Variants in RHOXF1 observed in about 807,000 individuals in gnomAD.
RHOXF1 encodes PEPP subfamily gene 1.
RHOXF1 carries 1 observed loss-of-function variant against 9.7 expected under a neutral mutation model. The ratio of observed to expected loss-of-function variants is 0.10; its 90% confidence interval spans 0.04 to 0.49. The LOEUF (loss-of-function observed/expected upper bound fraction) is 0.49, where lower values mean the gene tolerates loss of function less well. Ranked by LOEUF, RHOXF1 falls within the 20% of genes least tolerant of loss-of-function variation. The probability of loss-of-function intolerance (pLI) is 0.95; values close to 1 mark genes in which losing one functional copy is unlikely to be tolerated. For missense variants in RHOXF1, 179 were observed against 168.0 expected, an observed-to-expected ratio of 1.07 and a Z score of -0.36; for synonymous variants, 72 against 70.2, an observed-to-expected ratio of 1.03 and a Z score of -0.13.
upstream of RHOXF1, among the ~76,000 whole-genome samples, chrX:120,119,865 C>T (rs896212942): frequency 1.4e-4 from 16 of 111,484 alleles, no homozygotes; most frequent in African/African-American, 5.2e-4. Flanking sequence ...ATTTCTTAGC[C>T]ATCTTGCAGA....
intron 1 of RHOXF1, among the ~76,000 whole-genome samples, chrX:120,114,131 C>A (rs1556000228): frequency 9.1e-6 from 1 of 109,956 alleles, no homozygotes; most frequent in African/African-American, 3.3e-5. Context: ...AAACAAAAAA[C>A]CAACCAAACA....
chrX:120,113,331 G>A (rs1028972766), intron 1 of RHOXF1, among the ~76,000 whole-genome samples: 1 of 110,719 alleles, frequency 9.0e-6, no homozygotes, highest in Non-Finnish European at 1.9e-5. Flanking sequence ...TAGTAGAGAT[G>A]GGGTTTTGCC....
Position 120,115,854 on chromosome X carries a change from A to G in RHOXF1, c.9T>C (p.Arg3=). 8.5e-7 allele frequency: 1 copy of G among 1,177,514 alleles called. No individual in the cohort carries two copies. Among genetic ancestry groups the G allele is most frequent in the Non-Finnish European group, 1.1e-6 (1 of 883,796 alleles). Residue 3 remains arginine, a synonymous_variant, in exon 1 of 3, where the codon CGT becomes CGC. Coordinates refer to ENST00000217999, the MANE Select transcript of RHOXF1 (RefSeq NM_139282.3). MA[R]SLVHDTVFYC... ...AGAACACGGTGTCGTGGACGAGCGA[A>G]CGCGCCATGGCTGGAGCGCTGCGCC...
At chrX:120,111,289 C>T (rs1406690315) in intron 2 of RHOXF1, among the ~76,000 whole-genome samples, 1 of 111,343 alleles carries the variant, frequency 9.0e-6, no homozygotes, top group African/African-American at 3.3e-5. Flanking sequence ...TTCAACTTCT[C>T]CAACCCGAAC....
chrX:120,115,730 T>A lies in RHOXF1; in HGVS notation c.133A>T (p.Met45Leu), dbSNP rs2057291640. The change falls in exon 1 of 3, where the codon ATG becomes TTG. Residue 45 changes from methionine to leucine, a missense_variant. Transcript: ENST00000217999. ...GHVGQGAPGL[M>L]GNMNPEGGVN... ...CCGCCCTCAGGGTTCATATTACCCATGAGGCCTGGAGCTCCTTGGCCAACA... is the reference window on the plus strand; with the variant it reads ...CCGCCCTCAGGGTTCATATTACCCAAGAGGCCTGGAGCTCCTTGGCCAACA... 1.7e-6 allele frequency: 2 copies of A among 1,207,507 alleles called. No homozygotes were observed. Among genetic ancestry groups the A allele is most frequent in the African/African-American group, 3.5e-5 (2 of 56,883 alleles).
chrX:120,114,881 G>A (rs952336669), intron 1 of RHOXF1, among the ~76,000 whole-genome samples: 2 of 112,234 alleles, frequency 1.8e-5, no homozygotes, highest in African/African-American at 6.5e-5. Context: ...ATATTATTTA[G>A]CCTTAAAAAG....
intron 1 of RHOXF1, 70 bp downstream of exon 1, chrX:120,115,395 G>A: frequency 1.0e-6 from 1 of 970,237 alleles, no homozygotes. Context: ...GATTGGGTGG[G>A]GCAAGGGAGA....
intron 2 of RHOXF1, among the ~76,000 whole-genome samples, chrX:120,112,135 G>A (rs1025030893): frequency 2.7e-5 from 3 of 110,821 alleles, no homozygotes; most frequent in African/African-American, 9.9e-5. Flanking sequence ...ATTTAGTCAT[G>A]TAATGTGTTC....
chrX:120,112,486 A>ATATATTATACATATATGTAT, intron 2 of RHOXF1, among the ~76,000 whole-genome samples: 1 of 31,432 alleles, frequency 3.2e-5, no homozygotes, highest in Non-Finnish European at 8.3e-5. Flanking sequence ...TATATGTGTT[A>ATATATTATACATATATGTAT]TATATAATAC....
chrX:120,110,183 C>A (rs181659988), intron 2 of RHOXF1, among the ~76,000 whole-genome samples: 1 of 111,543 alleles, frequency 9.0e-6, no homozygotes, highest in Non-Finnish European at 1.9e-5. Context: ...TAGGAAAGAG[C>A]GCACTGGAAT....
upstream of RHOXF1, among the ~76,000 whole-genome samples, chrX:120,116,150 T>A (rs868921344): frequency 6.8e-5 from 1 of 14,717 alleles, no homozygotes. Context: ...GGGTGCACAG[T>A]GAGGGTGGGG....
chrX:120,114,851 A>C (rs1433074958), intron 1 of RHOXF1, among the ~76,000 whole-genome samples: 1 of 112,317 alleles, frequency 8.9e-6, no homozygotes, highest in Non-Finnish European at 1.9e-5. Context: ...GTTGGTGTGC[A>C]CCTGTATCTA....
chrX:120,112,428 TACAC>T (rs1358068630), intron 2 of RHOXF1, among the ~76,000 whole-genome samples: 2 of 32,160 alleles, frequency 6.2e-5, no homozygotes, highest in East Asian at 1.9e-3. Flanking sequence ...TTATATATAA[TACAC>T]ATATATTATA....
Position 120,109,111 on chromosome X carries a change from C to G in RHOXF1, c.*81G>C. 1 of 537,302 alleles carries G rather than the reference C, an allele frequency of 1.9e-6. No individual in the cohort carries two copies. The allele number at this position is 537,302 out of a possible 1,213,427, so 44.3% of individuals were successfully genotyped here. ...GCAGAGGAGATAAGGGTAGCCTGAG[C>G]GGCATGGGCAGCCCAGGTGTCAGTG... is the stretch of plus-strand genomic sequence containing the variant. On this transcript the variant is annotated 3_prime_UTR_variant, in exon 3 of 3. Coordinates refer to ENST00000217999, the MANE Select transcript of RHOXF1 (RefSeq NM_139282.3).
At chrX:120,112,531 T>A (rs1489173807) in intron 2 of RHOXF1, among the ~76,000 whole-genome samples, 1 of 104,974 alleles carries the variant, frequency 9.5e-6, no homozygotes, top group African/African-American at 3.4e-5. Context: ...ACATATGTAT[T>A]ATATATAATA....
At chrX:120,117,274 A>G (rs1197988961), upstream of RHOXF1, among the ~76,000 whole-genome samples, 1 of 110,441 alleles carries the variant, frequency 9.1e-6, no homozygotes, top group East Asian at 2.8e-4. Context: ...AAATAATAAA[A>G]TAAGAAATAA....
chrX:120,114,412 G>GA (rs2147139271), intron 1 of RHOXF1, among the ~76,000 whole-genome samples: 1 of 110,469 alleles, frequency 9.1e-6, no homozygotes, highest in East Asian at 2.8e-4. Context: ...GGTAATAAAA[G>GA]AAAAAATACA....
chrX:120,116,959 C>G (rs1471813851), upstream of RHOXF1, among the ~76,000 whole-genome samples: 1 of 111,418 alleles, frequency 9.0e-6, no homozygotes, highest in African/African-American at 3.3e-5. Flanking sequence ...GCATACCTGC[C>G]AAAAATCTCC....
chrX:120,118,206 T>C (rs1257665573), upstream of RHOXF1, among the ~76,000 whole-genome samples: 1 of 111,875 alleles, frequency 8.9e-6, no homozygotes, highest in African/African-American at 3.3e-5. Flanking sequence ...GTGCAGAGTC[T>C]ATGTGACTTG....
Sources: allele counts gnomAD v4.1 joint callset (sites outside exome capture counted in the v4.1 genomes callset), GRCh38; gene constraint gnomAD v4.1.1; transcripts MANE v1.5; gene names NCBI Gene and HGNC (gene_info 2026-07-23, HGNC 2026-07-21).